MDK: variants seen among roughly 807,000 people sequenced by gnomAD.
The protein encoded by MDK is midkine, also known as amphiregulin-associated protein.
A neutral mutation model predicts 18.9 loss-of-function variants in MDK; 17 were observed. The observed-to-expected ratio is 0.90, with a 90% confidence interval of 0.62 to 1.35. The LOEUF (loss-of-function observed/expected upper bound fraction) is 1.35. MDK is among the 40% of genes most tolerant of loss of function. MDK has a pLI of 0.00. For synonymous variants in MDK, 86 were observed against 74.3 expected, an observed-to-expected ratio of 1.16 and a Z score of -0.81; for missense variants, 180 against 186.3, an observed-to-expected ratio of 0.97 and a Z score of 0.20.
In MDK at chr11:46,382,423, G is replaced by T; in HGVS notation, c.206G>T (p.Arg69Leu). ...TGCGGGGCCCAGACCCAGCGCATCC[G>T]GTGCAGGGTGCCCTGCAACTGGAAG... ...GTCGAQTQRI[R>L]CRVPCNWKKE... The change falls in exon 3 of 5, where the codon CGG (arginine) becomes CTG (leucine). Residue 69 changes from arginine (R) to leucine (L), a missense_variant. Coordinates refer to ENST00000395566, the MANE Select transcript of MDK (RefSeq NM_002391.6). The T allele has an allele frequency of 4.6e-6, 7 of 1,530,418 alleles. No homozygotes were observed. The highest frequency in any genetic ancestry group is 6.1e-6 in the Non-Finnish European group (7 of 1,139,198). 94.8% of individuals were successfully genotyped at this position (1,530,418 alleles called of 1,614,324 possible). A position where few individuals can be genotyped will look rare whatever the true frequency, so the allele number is the denominator to read the frequency against.
chr11:46,381,191 G>GCGCCCC (rs1234641661), upstream of MDK: 2 of 152,370 alleles, frequency 1.3e-5, no homozygotes, highest in African/African-American at 4.8e-5. Context: ...CAGGTGGGCC[G>GCGCCCC]CGCCCCCTCC....
rs1945190800 is a variant in MDK at position 46,381,911 on chromosome 11, C to T, written c.-1-146C>T. On this transcript the variant is annotated intron_variant, in intron 1 of 4. Transcript: ENST00000395566. The stretch of plus-strand genomic sequence containing the variant: ...GTGCGTCCGGGCTAGCGGCGAGGGG[C>T]CGCCCCAAGTCTTCCCACCGCCGCC... 5 of 800,286 alleles carry T rather than the reference C, an allele frequency of 6.2e-6. No homozygotes were observed. The Admixed American group carries it at 8.0e-5, about 13-fold the overall frequency. The allele number at this position is 800,286 out of a possible 1,614,324, so 49.6% of individuals were successfully genotyped here.
intron 3 of MDK, 50 bp downstream of exon 3, chr11:46,382,511 C>G: frequency 6.5e-7 from 1 of 1,538,138 alleles, no homozygotes; most frequent in Non-Finnish European, 8.8e-7. Flanking sequence ...ACAGCCTCGC[C>G]GAAGCCTGGG....
chr11:46,382,068 G>A lies in MDK; in HGVS notation c.11G>A (p.Arg4Gln). 6.2e-7 allele frequency: 1 copy of A among 1,608,482 alleles called. No individual in the cohort carries two copies. Among genetic ancestry groups the A allele is most frequent in the Non-Finnish European group, 8.5e-7 (1 of 1,178,188 alleles). Residue 4 changes from arginine to glutamine, a missense_variant, in exon 2 of 5, where the codon CGA (arginine) becomes CAA (glutamine). By Grantham distance (43) the Arg-to-Gln change is conservative. Transcript: ENST00000395566. ...GGCTCTCCCCTCAGGATGCAGCACC[G>A]AGGCTTCCTCCTCCTCACCCTCCTC... MQH[R>Q]GFLLLTLLAL...
intron 2 of MDK, 40 bp from the exon 3 acceptor site, chr11:46,382,254 C>T (rs967091312): frequency 6.9e-6 from 11 of 1,603,738 alleles, no homozygotes; most frequent in South Asian, 2.2e-5. Context: ...GGGAGTCTCC[C>T]CGTGCCCCAG....
At chr11:46,381,633 G>T (rs1185277490), upstream of MDK, 3 of 143,472 alleles carry the variant, frequency 2.1e-5, no homozygotes, top group East Asian at 4.2e-4. Context: ...CCCTGGGGGG[G>T]TGGGGAGAGG....
chr11:46,381,100 C>G (rs1174438654), upstream of MDK: 1 of 152,286 alleles, frequency 6.6e-6, no homozygotes, highest in South Asian at 2.1e-4. Context: ...CGACCGCACC[C>G]GTGGCTTTCT....
chr11:46,383,055 C>CCAGCCA, intron 4 of MDK: 1 of 485,550 alleles, frequency 2.1e-6, no homozygotes, highest in Non-Finnish European at 3.8e-6. Context: ...TGTCAGCTCT[C>CCAGCCA]CAGCCACGGG....
intron 4 of MDK, 175 bp downstream of exon 4, chr11:46,382,923 A>T (rs1257157305): frequency 1.7e-5 from 12 of 723,598 alleles, no homozygotes; most frequent in East Asian, 2.7e-5. Flanking sequence ...GCACTACAAG[A>T]GAGGCCGCAG....
chr11:46,382,862 T>A (rs968948909), intron 4 of MDK, 114 bp downstream of exon 4: 1 of 1,226,328 alleles, frequency 8.2e-7, no homozygotes, highest in African/African-American at 1.6e-5. Context: ...GGCCAGTGGC[T>A]TCCTGACATC....
intron 4 of MDK, 39 bp downstream of exon 4, chr11:46,382,787 G>GGGGGGGGGGC: frequency 5.3e-5 from 79 of 1,498,138 alleles, no homozygotes; most frequent in East Asian, 1.0e-4. Flanking sequence ...GTCGCGGGGG[G>GGGGGGGGGGC]CTGCCCCCCC....
In MDK at chr11:46,383,561, C is replaced by T; in HGVS notation, c.*67C>T. ...GGCCTGGCCCACGCCCTCCCTCTCC[C>T]AGGCCCGAGATGTGACCCACCAGTG... On this transcript the variant is annotated 3_prime_UTR_variant, in exon 5 of 5. Coordinates refer to ENST00000395566, the MANE Select transcript of MDK (RefSeq NM_002391.6). 1.4e-6 allele frequency: 2 copies of T among 1,459,948 alleles called. No homozygotes were observed. The highest frequency in any genetic ancestry group is 1.9e-6 in the Non-Finnish European group (2 of 1,041,760). The allele number at this position is 1,459,948 out of a possible 1,614,324, so 90.4% of individuals were successfully genotyped here. A position where few individuals can be genotyped will look rare whatever the true frequency, so the allele number is the denominator to read the frequency against.
intron 1 of MDK, 33 bp from the exon 2 acceptor site, chr11:46,381,998 CGCGGCCCCCGGTGGGGAAGGGGACGG>C (rs954602069): frequency 3.3e-6 from 5 of 1,528,374 alleles, no homozygotes; most frequent in Middle Eastern, 2.2e-4. Flanking sequence ...GGGCCCTGCA[CGCGGCCCCCGGTGGGGAAGGGGACGG>C]GCCAGGGATT....
Position 46,383,439 on chromosome 11 carries a change from T to A in MDK, c.407-30T>A, listed in dbSNP as rs754429216. ...CAATGGGTCAGCCTAACTGCTGATA[T>A]GGTATTAATATTTCTTTCTTGTTTT... On this transcript the variant is annotated intron_variant, in intron 4 of 4. Transcript: ENST00000395566. 1.7e-5 allele frequency: 26 copies of A among 1,554,192 alleles called. No homozygotes were observed. The Admixed American group carries it at 4.0e-4, about 24-fold the overall frequency.
In MDK at chr11:46,383,473, GAAAGGGAAGGGA is replaced by G. The variant is rs1565102320; in HGVS notation, c.414_425del (p.Gly139_Lys142del). The G allele has an allele frequency of 6.3e-7, 1 of 1,595,552 alleles. No individual in the cohort carries two copies. On this transcript the variant is annotated inframe_deletion, in exon 5 of 5. Transcript: ENST00000395566. ...TATTTCTTTCTTGTTTTACAGCCAA[GAAAGGGAAGGGA>G]AAGGACTAGACGCCAAGCCTGGATG...
chr11:46,382,234 C>T, intron 2 of MDK, 60 bp from the exon 3 acceptor site: 1 of 1,602,822 alleles, frequency 6.2e-7, no homozygotes, highest in East Asian at 2.2e-5. Context: ...CCCAGGAAGG[C>T]GGCTCCCGAG....
Position 46,381,978 on chromosome 11 carries a change from G to A in MDK, c.-1-79G>A, listed in dbSNP as rs1005126297. 4 of 1,430,146 alleles carry A rather than the reference G, an allele frequency of 2.8e-6. No homozygotes were observed. In the South Asian group the frequency reaches 3.7e-5, roughly 13 times the overall value. 88.6% of individuals were successfully genotyped at this position (1,430,146 alleles called of 1,614,324 possible). On this transcript the variant is annotated intron_variant, in intron 1 of 4. Transcript: ENST00000395566. ...TTGGGGCCTGGAAAGTGGAGCACGC[G>A]GAGGTGGGAGGGCCCTGCACGCGGC...
rs772174456 is a variant in MDK at position 46,382,277 on chromosome 11, T to C, written c.77-17T>C. 9.3e-6 allele frequency: 15 copies of C among 1,606,730 alleles called. No homozygotes were observed. Among genetic ancestry groups the C allele is most frequent in the African/African-American group, 4.0e-5 (3 of 74,642 alleles). Reference sequence around the variant, plus strand: ...CCCCGTGCCCCAGTCCTGAACTCTGTTCCTCGCGCGTTGTAGATAAGGTGA... The same window carrying C: ...CCCCGTGCCCCAGTCCTGAACTCTGCTCCTCGCGCGTTGTAGATAAGGTGA... On this transcript the variant is annotated splice_polypyrimidine_tract_variant and intron_variant, in intron 2 of 4. Transcript: ENST00000395566.
Position 46,382,045 on chromosome 11 carries a change from C to G in MDK, c.-1-12C>G, listed in dbSNP as rs1156469411. 2.5e-6 allele frequency: 4 copies of G among 1,599,956 alleles called. No homozygotes were observed. The highest frequency in any genetic ancestry group is 3.4e-6 in the Non-Finnish European group (4 of 1,174,252). On this transcript the variant is annotated splice_polypyrimidine_tract_variant and intron_variant, in intron 1 of 4. Coordinates refer to ENST00000395566, the MANE Select transcript of MDK (RefSeq NM_002391.6). The stretch of plus-strand genomic sequence containing the variant: ...GACGGGCCAGGGATTCAGACTCGGG[C>G]TCTCCCCTCAGGATGCAGCACCGAG...
Sources: gnomAD v4.1 joint callset for allele counts on GRCh38, gnomAD v4.1.1 for gene constraint, MANE v1.5 for transcripts, NCBI Gene and HGNC (gene_info 2026-07-23, HGNC 2026-07-21) for gene names.